The following DNAH14 variants were observed in gnomAD, a reference collection of about 807,000 sequenced individuals.
DNAH14 encodes the protein axonemal beta dynein heavy chain 14.
In DNAH14, 478 loss-of-function variants were observed where a neutral mutation model predicts 520.9. The observed-to-expected ratio is 0.92, with a 90% confidence interval of 0.85 to 0.99. The LOEUF is 0.99. Among genes scored for constraint, DNAH14 ranks in the 50% least tolerant of loss-of-function variants. The probability of loss-of-function intolerance (pLI) is 0.00; values close to 1 mark genes in which losing one functional copy is unlikely to be tolerated. For synonymous variants in DNAH14, 1,581 were observed against 1,757.2 expected (o/e 0.90, Z 2.51); for missense variants, 4,831 against 5,234.5 (o/e 0.92, Z 2.38).
chr1:225,227,683 G>C (rs577774635), intron 41 of DNAH14, among the ~76,000 whole-genome samples: 1 of 152,222 alleles, frequency 6.6e-6, no homozygotes, highest in African/African-American at 2.4e-5. Context: ...TTGGGCCAAT[G>C]GGGAGAGGAG....
chr1:225,358,777 T>C (rs1340768190), intron 74 of DNAH14, 125 bp downstream of exon 74: 2 of 981,660 alleles, frequency 2.0e-6, no homozygotes, highest in Non-Finnish European at 2.9e-6. Flanking sequence ...GTAGAGGTAA[T>C]TGGATCATGG....
chr1:225,366,033 T>C (rs906781842), intron 76 of DNAH14, among the ~76,000 whole-genome samples: 7 of 152,058 alleles, frequency 4.6e-5, no homozygotes, highest in African/African-American at 1.7e-4. Context: ...AGAAAAACAT[T>C]AACATTCCAT....
intron 17 of DNAH14, among the ~76,000 whole-genome samples, chr1:225,068,022 C>T (rs895138666): frequency 6.6e-6 from 1 of 152,106 alleles, no homozygotes; most frequent in African/African-American, 2.4e-5. Context: ...AATCTTTGCC[C>T]ATGCCTATGT....
At chr1:225,176,029 C>CA (rs2083296909) in intron 36 of DNAH14, among the ~76,000 whole-genome samples, 1 of 152,138 alleles carries the variant, frequency 6.6e-6, no homozygotes, top group Non-Finnish European at 1.5e-5. Flanking sequence ...GCTCGGATTA[C>CA]AGGCATGAGC....
chr1:225,181,968 C>A (rs1448126760), intron 36 of DNAH14, among the ~76,000 whole-genome samples: 1 of 152,110 alleles, frequency 6.6e-6, no homozygotes, highest in South Asian at 2.1e-4. Context: ...AGGTGGATCA[C>A]TTGAGGTCAG....
chr1:225,042,895 G>A lies in DNAH14; in HGVS notation c.1549G>A (p.Val517Ile). 6.4e-7 allele frequency: 1 copy of A among 1,551,588 alleles called. No individual in the cohort carries two copies. The highest frequency in any genetic ancestry group is 8.7e-7 in the Non-Finnish European group (1 of 1,146,952). The change falls in exon 13 of 86, where the codon GTA (valine) becomes ATA (isoleucine). Residue 517 changes from valine to isoleucine, a missense_variant. Transcript: ENST00000682510. ...AAAAACATATGCACCAATATTTGAA[G>A]TAAATCTATGCTTGAGAATTCCTGC... The part of the protein sequence containing the change: ...LRKTYAPIFE[V>I]NLCLRIPAES...
At chr1:224,988,389 G>A (rs1461103008) in intron 8 of DNAH14, among the ~76,000 whole-genome samples, 2 of 152,066 alleles carry the variant, frequency 1.3e-5, no homozygotes. Flanking sequence ...ATCACTGAAC[G>A]TTAAGAGAAA....
intron 3 of DNAH14, 112 bp downstream of exon 3, chr1:224,955,210 A>G (rs1572031222): frequency 8.7e-7 from 1 of 1,145,710 alleles, no homozygotes; most frequent in African/African-American, 1.6e-5. Flanking sequence ...ATATTGAAAT[A>G]TTAGTGTCTA....
intron 8 of DNAH14, among the ~76,000 whole-genome samples, chr1:224,992,299 G>A (rs1019939051): frequency 6.6e-6 from 1 of 152,082 alleles, no homozygotes; most frequent in Non-Finnish European, 1.5e-5. Flanking sequence ...GATGGCAATT[G>A]CATTGAATCT....
At chr1:225,206,595 T>C (rs6658499) in intron 40 of DNAH14, among the ~76,000 whole-genome samples, 45 of 152,324 alleles carry the variant, frequency 3.0e-4, no homozygotes, top group African/African-American at 1.0e-3. Context: ...ATAGTCTCTA[T>C]TCTCTATACA....
intron 16 of DNAH14, among the ~76,000 whole-genome samples, chr1:225,050,995 G>C (rs1239375152): frequency 6.6e-6 from 1 of 152,128 alleles, no homozygotes; most frequent in Non-Finnish European, 1.5e-5. Context: ...TGCCACTTCT[G>C]ATCTTGCAGG....
intron 27 of DNAH14, among the ~76,000 whole-genome samples, chr1:225,128,804 A>C (rs1037389461): frequency 1.3e-5 from 2 of 151,954 alleles, no homozygotes; most frequent in African/African-American, 4.8e-5. Context: ...ACAGTGTTGG[A>C]AGTTCTGGCC....
Position 225,207,132 on chromosome 1 carries a change from T to A in DNAH14, c.6351T>A (p.Pro2117=), listed in dbSNP as rs1356756939. Reference sequence around the variant, plus strand: ...ATCGTCAGAAATTTCAGCCATATCCTATGGAGGACATAACAGTCGTCATAA... The same window carrying A: ...ATCGTCAGAAATTTCAGCCATATCCAATGGAGGACATAACAGTCGTCATAA... The part of the protein sequence containing the change: ...IRNRQKFQPY[P]MEDITVVITL... The change falls in exon 41 of 86, where the codon CCT becomes CCA. Residue 2117 remains proline (P), a synonymous_variant. Transcript: ENST00000682510. The A allele has an allele frequency of 6.4e-7, 1 of 1,551,114 alleles. No individual in the cohort carries two copies.
At position 225,232,272 on chromosome 1, in the gene DNAH14, T is replaced by TACACACACAC. The variant is rs770796192; in HGVS notation, c.6518+1122_6518+1123insCACACACACA. ...GTCATTATATATATAAACTGTGATA[T>TACACACACAC]ATATATATACACACACACACACACA... On this transcript the variant is annotated intron_variant, in intron 42 of 85. Coordinates refer to ENST00000682510, the MANE Select transcript of DNAH14 (RefSeq NM_001367479.1). The surrounding 1 kb of genome is among the most constrained non-coding windows in gnomAD (Gnocchi z 4.2). Among the ~76,000 whole-genome samples, 34 of 143,846 alleles carry TACACACACAC rather than the reference T, an allele frequency of 2.4e-4. No individual in the cohort carries two copies. The highest frequency in any genetic ancestry group is 4.1e-4 in the Non-Finnish European group (27 of 66,666). 94.4% of individuals were successfully genotyped at this position (143,846 alleles called of 152,430 possible). A position where few individuals can be genotyped will look rare whatever the true frequency, so the allele number is the denominator to read the frequency against.
At position 225,205,497 on chromosome 1, in the gene DNAH14, C is replaced by T. The variant is rs151266876; in HGVS notation, c.5978-474C>T. On this transcript the variant is annotated intron_variant, in intron 39 of 85. Transcript: ENST00000682510. ...CCCAGTCTAAGGCTTTTTGTTACAG[C>T]AGCCCAAATGGACTAACACCCTGTG... 3.2e-3 allele frequency among the ~76,000 whole-genome samples: 481 copies of T among 152,256 alleles called. 5 individuals carry two copies. Among genetic ancestry groups the T allele is most frequent in the South Asian group, 0.013 (61 of 4,828 alleles).
chr1:225,246,010 T>G (rs1343324142), intron 43 of DNAH14, among the ~76,000 whole-genome samples: 2 of 149,630 alleles, frequency 1.3e-5, no homozygotes, highest in African/African-American at 2.5e-5. Flanking sequence ...AGCATGATAC[T>G]GGTACCAAAA....
Position 224,936,642 on chromosome 1 carries a change from A to G in DNAH14, c.-34+6807A>G, listed in dbSNP as rs561767289. ...CACTGCTGAATTCTACCAAACATTT[A>G]AAGAATAACTAATACTAATCCTACT... is the stretch of plus-strand genomic sequence containing the variant. On this transcript the variant is annotated intron_variant, in intron 1 of 85. Coordinates refer to ENST00000682510, the MANE Select transcript of DNAH14 (RefSeq NM_001367479.1). Among the ~76,000 whole-genome samples the G allele has an allele frequency of 2.6e-5, 4 of 152,086 alleles. No homozygotes were observed. The South Asian group carries it at 8.3e-4, about 32-fold the overall frequency.
Position 225,290,026 on chromosome 1 carries a change from G to T in DNAH14, c.8413G>T (p.Ala2805Ser). The T allele has an allele frequency of 6.5e-7, 1 of 1,531,718 alleles. No individual in the cohort carries two copies. Among genetic ancestry groups the T allele is most frequent in the Non-Finnish European group, 8.8e-7 (1 of 1,136,226 alleles). The allele number at this position is 1,531,718 out of a possible 1,614,324, so 94.9% of individuals were successfully genotyped here. The change falls in exon 55 of 86, where the codon GCA (alanine) becomes TCA (serine). Residue 2805 changes from alanine (A) to serine (S), a missense_variant. Coordinates refer to ENST00000682510, the MANE Select transcript of DNAH14 (RefSeq NM_001367479.1). ...AGTCTTTAAAAAGGTGTTTATTCAC[G>T]CAGGATTAAAAGGGAAACCCACTGT... ...KEVFKKVFIH[A>S]GLKGKPTVLM...
intron 54 of DNAH14, among the ~76,000 whole-genome samples, chr1:225,278,674 T>C (rs1350155404): frequency 6.6e-6 from 1 of 152,240 alleles, no homozygotes; most frequent in African/African-American, 2.4e-5. Flanking sequence ...TTTCAATTAT[T>C]AACAGATTAT....
Sources: allele counts gnomAD v4.1 joint callset (sites outside exome capture counted in the v4.1 genomes callset), GRCh38; gene constraint gnomAD v4.1.1; non-coding constraint Gnocchi (gnomAD v3.1); transcripts MANE v1.5; gene names NCBI Gene and HGNC (gene_info 2026-07-23, HGNC 2026-07-21).